The following ZC3H12B variants were observed in gnomAD, a reference collection of about 807,000 sequenced individuals.
ZC3H12B encodes zinc finger CCCH-type containing 12B.
A neutral mutation model predicts 43.9 loss-of-function variants in ZC3H12B; 7 were observed. That is an observed-to-expected ratio of 0.16 (90% CI 0.09 to 0.30). The LOEUF (loss-of-function observed/expected upper bound fraction) is 0.30, where lower values mean the gene tolerates loss of function less well. Among genes scored for constraint, ZC3H12B ranks in the 10% least tolerant of loss-of-function variants. The probability of loss-of-function intolerance (pLI) is 1.00; values close to 1 mark genes in which losing one functional copy is unlikely to be tolerated. For missense variants in ZC3H12B, 475 were observed against 670.2 expected, an observed-to-expected ratio of 0.71 and a Z score of 3.22; for synonymous variants, 222 against 241.7, an observed-to-expected ratio of 0.92 and a Z score of 0.76.
At chrX:65,224,185 G>A in the ZC3H12B span, among the ~76,000 whole-genome samples, 1 of 112,679 alleles carries the variant, frequency 8.9e-6, no homozygotes, top group Non-Finnish European at 1.9e-5. Context: ...ATTATTTTAA[G>A]TGAAGTAAAT....
the ZC3H12B span, among the ~76,000 whole-genome samples, chrX:65,226,553 G>A: frequency 1.8e-5 from 2 of 111,318 alleles, no homozygotes; most frequent in South Asian, 7.6e-4. Flanking sequence ...AATGTAAATG[G>A]ACTAAATGCT....
the ZC3H12B span, among the ~76,000 whole-genome samples, chrX:65,173,063 A>G: frequency 8.9e-6 from 1 of 111,840 alleles, no homozygotes; most frequent in African/African-American, 3.2e-5. Flanking sequence ...ATGAGCATAG[A>G]ATGTTTCTCC....
At chrX:65,204,601 G>T in the ZC3H12B span, among the ~76,000 whole-genome samples, 6 of 111,209 alleles carry the variant, frequency 5.4e-5, no homozygotes, top group African/African-American at 1.6e-4. Flanking sequence ...CTTTTCCCTG[G>T]CTTGTAAACA....
chrX:65,318,682 C>T, the ZC3H12B span, among the ~76,000 whole-genome samples: 4 of 111,209 alleles, frequency 3.6e-5, no homozygotes, highest in Non-Finnish European at 7.5e-5. Context: ...AGCCTCCCAA[C>T]GTGCTGGGAT....
At chrX:65,130,056 G>C in the ZC3H12B span, among the ~76,000 whole-genome samples, 13 of 111,748 alleles carry the variant, frequency 1.2e-4, no homozygotes, top group Non-Finnish European at 2.3e-4. Context: ...CATTTAATTA[G>C]AGAGTGCTCA....
At chrX:65,360,958 G>A in the ZC3H12B span, among the ~76,000 whole-genome samples, 2 of 112,060 alleles carry the variant, frequency 1.8e-5, no homozygotes, top group African/African-American at 3.2e-5. Context: ...GACAATGAAG[G>A]AAATAATATT....
At chrX:65,424,903 A>G (rs1032437413) in intron 3 of ZC3H12B, among the ~76,000 whole-genome samples, 2 of 110,242 alleles carry the variant, frequency 1.8e-5, no homozygotes, top group Non-Finnish European at 3.8e-5. Context: ...TAGTGTGATG[A>G]CCCCAGCTTT....
the ZC3H12B span, among the ~76,000 whole-genome samples, chrX:65,094,625 G>A: frequency 1.8e-5 from 2 of 112,118 alleles, no homozygotes; most frequent in African/African-American, 6.5e-5. Context: ...ACAAATTATG[G>A]CAGTGGTACT....
chrX:65,440,093 A>G (rs534456273), intron 3 of ZC3H12B, among the ~76,000 whole-genome samples: 1 of 111,990 alleles, frequency 8.9e-6, no homozygotes, highest in Non-Finnish European at 1.9e-5. Context: ...TGTAATCCCT[A>G]TCTTTCCTCC....
At chrX:65,494,108 T>A (rs1223860547) in intron 1 of ZC3H12B, among the ~76,000 whole-genome samples, 1 of 111,985 alleles carries the variant, frequency 8.9e-6, no homozygotes, top group Non-Finnish European at 1.9e-5. Flanking sequence ...GAAATTGATA[T>A]CAGAATATAA....
the ZC3H12B span, among the ~76,000 whole-genome samples, chrX:65,198,638 T>G: frequency 8.9e-6 from 1 of 112,000 alleles, no homozygotes; most frequent in Non-Finnish European, 1.9e-5. Flanking sequence ...TCTTTATGTT[T>G]GACCTCCATG....
chrX:65,119,416 T>C, the ZC3H12B span, among the ~76,000 whole-genome samples: 2 of 112,447 alleles, frequency 1.8e-5, no homozygotes, highest in African/African-American at 3.2e-5. Context: ...ATGAGCATTT[T>C]TTCATGTCTC....
the ZC3H12B span, among the ~76,000 whole-genome samples, chrX:65,207,253 C>T: frequency 9.8e-4 from 100 of 102,455 alleles, no homozygotes; most frequent in East Asian, 3.4e-3. Flanking sequence ...TGTATATATA[C>T]ACACACACAC....
chrX:65,265,581 C>T, the ZC3H12B span, among the ~76,000 whole-genome samples: 3 of 111,933 alleles, frequency 2.7e-5, no homozygotes, highest in Non-Finnish European at 5.6e-5. Context: ...GAAAATAGGT[C>T]TATAGACCAT....
chrX:65,309,622 G>C, the ZC3H12B span, among the ~76,000 whole-genome samples: 1 of 111,941 alleles, frequency 8.9e-6, no homozygotes, highest in African/African-American at 3.2e-5. Context: ...GAAAAAGACA[G>C]AATCCTCTCT....
At chrX:65,448,997 G>A (rs868516613) in intron 3 of ZC3H12B, among the ~76,000 whole-genome samples, 2 of 3,334 alleles carry the variant, frequency 6.0e-4, no homozygotes, top group Non-Finnish European at 2.1e-3. Context: ...AAGAAAGAGA[G>A]GAAAGAAAGA....
chrX:65,202,681 G>A, the ZC3H12B span, among the ~76,000 whole-genome samples: 211 of 111,351 alleles, frequency 1.9e-3, 1 homozygote, highest in African/African-American at 6.3e-3. Context: ...CTGAGACTGC[G>A]CTGGTTCAGA....
chrX:65,163,280 A>T, the ZC3H12B span, among the ~76,000 whole-genome samples: 1 of 111,169 alleles, frequency 9.0e-6, no homozygotes, highest in Non-Finnish European at 1.9e-5. Context: ...GTGATGGGAG[A>T]ACCACTGCTG....
At chrX:65,057,746 A>T in the ZC3H12B span, among the ~76,000 whole-genome samples, 1 of 111,576 alleles carries the variant, frequency 9.0e-6, no homozygotes, top group Non-Finnish European at 1.9e-5. Context: ...TGGTCTTTTC[A>T]TATAGTCCCA....
Sources: gnomAD v4.1 joint callset for allele counts (sites outside exome capture counted in the v4.1 genomes callset) on GRCh38, gnomAD v4.1.1 for gene constraint, MANE v1.5 for transcripts, NCBI Gene and HGNC (gene_info 2026-07-23, HGNC 2026-07-21) for gene names.